The following JAK2 variants were observed in gnomAD, a reference collection of about 807,000 sequenced individuals.
JAK2 encodes the protein Janus kinase 2, also known as tyrosine-protein kinase JAK2.
A neutral mutation model predicts 139.3 loss-of-function variants in JAK2; 86 were observed. That is an observed-to-expected ratio of 0.62 (90% CI 0.52 to 0.74). The LOEUF (loss-of-function observed/expected upper bound fraction) is 0.74, where lower values mean the gene tolerates loss of function less well. Among genes scored for constraint, JAK2 ranks in the 30% least tolerant of loss-of-function variants. JAK2 has a pLI of 0.00. For synonymous variants in JAK2, 490 were observed against 437.7 expected (o/e 1.12, Z -1.49); for missense variants, 1,421 against 1,360.3 (o/e 1.04, Z -0.70).
intron 4 of JAK2, chr9:5,041,626 T>A: frequency 2.0e-6 from 1 of 500,614 alleles, no homozygotes; most frequent in Admixed American, 2.3e-5. Context: ...ATGCGGCGCC[T>A]GGACTTTGAG....
chr9:4,998,382 G>A (rs536125028), intron 2 of JAK2, among the ~76,000 whole-genome samples: 4 of 151,978 alleles, frequency 2.6e-5, no homozygotes, highest in African/African-American at 4.8e-5. Flanking sequence ...TCAGCCTCCC[G>A]AGTAACTGGG....
chr9:5,003,342 T>A (rs1821045082), intron 2 of JAK2, among the ~76,000 whole-genome samples: 1 of 152,038 alleles, frequency 6.6e-6, no homozygotes, highest in Non-Finnish European at 1.5e-5. Flanking sequence ...TTTTCTGTAT[T>A]CTTATATCAG....
intron 2 of JAK2, among the ~76,000 whole-genome samples, chr9:5,016,145 C>T (rs10815147): frequency 0.26 from 39,220 of 152,082 alleles, 5,260 homozygotes; most frequent in South Asian, 0.31. Context: ...TCCCGCCAAA[C>T]GCTGCCTACT....
At chr9:5,096,496 G>GT (rs773849138) in intron 22 of JAK2, among the ~76,000 whole-genome samples, 26 of 152,166 alleles carry the variant, frequency 1.7e-4, no homozygotes, top group Non-Finnish European at 3.4e-4. Context: ...CTCCCTCCAT[G>GT]TGGGGGGAGG....
Position 5,072,478 on chromosome 9 carries a change from T to G in JAK2, c.1642-14T>G. ...TCTTTACTCATTCTTTTCTTTTACC[T>G]TTTTCTCTTGAAGAATGAAAGCCTT... On this transcript the variant is annotated splice_polypyrimidine_tract_variant and intron_variant, in intron 12 of 24. Transcript: ENST00000381652. 1 of 1,517,090 alleles carries G rather than the reference T, an allele frequency of 6.6e-7. No individual in the cohort carries two copies. Among genetic ancestry groups the G allele is most frequent in the Non-Finnish European group, 8.9e-7 (1 of 1,127,296 alleles). The allele number at this position is 1,517,090 out of a possible 1,614,324, so 94.0% of individuals were successfully genotyped here. A position where few individuals can be genotyped will look rare whatever the true frequency, so the allele number is the denominator to read the frequency against.
At chr9:5,006,518 T>G (rs1456541976) in intron 2 of JAK2, among the ~76,000 whole-genome samples, 1 of 152,202 alleles carries the variant, frequency 6.6e-6, no homozygotes, top group Non-Finnish European at 1.5e-5. Context: ...AAAAGTTGTT[T>G]AATTGACTCA....
chr9:4,986,688 T>A (rs1333172350), intron 2 of JAK2, among the ~76,000 whole-genome samples: 1 of 152,056 alleles, frequency 6.6e-6, no homozygotes, highest in Non-Finnish European at 1.5e-5. Context: ...TGTTTTGGAT[T>A]TTTTTTAAAA....
chr9:5,061,254 G>A (rs1818152789), intron 8 of JAK2, among the ~76,000 whole-genome samples: 1 of 152,174 alleles, frequency 6.6e-6, no homozygotes, highest in Non-Finnish European at 1.5e-5. Context: ...TTAGCAAGAG[G>A]GTCAGCCTAT....
intron 19 of JAK2, among the ~76,000 whole-genome samples, chr9:5,088,542 C>CA (rs59331584): frequency 1.7e-4 from 25 of 149,914 alleles, no homozygotes; most frequent in East Asian, 7.8e-4. Context: ...AAGACATCTT[C>CA]AAAAAAAAAA....
Position 5,103,453 on chromosome 9 carries a change from C to T in JAK2, c.3059+12542C>T, listed in dbSNP as rs753098515. On this transcript the variant is annotated intron_variant, in intron 22 of 24. Coordinates refer to ENST00000381652, the MANE Select transcript of JAK2 (RefSeq NM_004972.4). ...TTAGAGACCTATAAAGAGACTTAGA[C>T]TCCCACACAATAATAATGGGAGACT... Among the ~76,000 whole-genome samples the T allele has an allele frequency of 2.0e-5, 3 of 151,940 alleles. No homozygotes were observed. In the South Asian group the frequency reaches 6.2e-4, roughly 32 times the overall value.
At chr9:5,049,195 A>G (rs1234131499) in intron 5 of JAK2, among the ~76,000 whole-genome samples, 1 of 152,130 alleles carries the variant, frequency 6.6e-6, no homozygotes, top group Middle Eastern at 3.2e-3. Flanking sequence ...CCGTAAATAC[A>G]CTTTATTTTC....
intron 22 of JAK2, chr9:5,112,102 G>A (rs1026673655): frequency 2.9e-6 from 1 of 350,030 alleles, no homozygotes; most frequent in Non-Finnish European, 5.7e-6. Flanking sequence ...CTACCTGAAC[G>A]AGGGCATCCA....
chr9:5,020,507 G>T (rs1822347158), intron 2 of JAK2, among the ~76,000 whole-genome samples: 1 of 152,166 alleles, frequency 6.6e-6, no homozygotes, highest in Admixed American at 6.5e-5. Context: ...GCTGTGCTGT[G>T]CCCTGATGCT....
At chr9:5,084,023 C>A (rs940201331) in intron 19 of JAK2, among the ~76,000 whole-genome samples, 2 of 152,030 alleles carry the variant, frequency 1.3e-5, no homozygotes, top group African/African-American at 4.8e-5. Flanking sequence ...TTACAACATT[C>A]CCCTTTATTG....
At chr9:4,990,462 G>T (rs1456375263) in intron 2 of JAK2, among the ~76,000 whole-genome samples, 1 of 152,154 alleles carries the variant, frequency 6.6e-6, no homozygotes, top group African/African-American at 2.4e-5. Flanking sequence ...GGATGGGCAA[G>T]TGAAAATTGA....
Position 5,054,706 on chromosome 9 carries a change from A to G in JAK2, c.758A>G (p.Lys253Arg), listed in dbSNP as rs200778413. 4 of 1,613,440 alleles carry G rather than the reference A, an allele frequency of 2.5e-6. No individual in the cohort carries two copies. The Admixed American group carries it at 5.0e-5, about 20-fold the overall frequency. Reference sequence around the variant, plus strand: ...GCCACTGCCAGAAACTTGAAACTTAAGTATCTTATAAATCTGGAAACTCTG... The same window carrying G: ...GCCACTGCCAGAAACTTGAAACTTAGGTATCTTATAAATCTGGAAACTCTG... ...CKATARNLKL[K>R]YLINLETLQS... The change falls in exon 7 of 25, where the codon AAG becomes AGG. Residue 253 changes from lysine (K) to arginine (R), a missense_variant. Physicochemically the swap from Lys to Arg is conservative, Grantham distance 26 (BLOSUM62 2). Transcript: ENST00000381652. This position sits in a 1 kb window ranked among gnomAD's most constrained non-coding sequence, Gnocchi z 4.9.
chr9:5,077,790 A>C (rs763042799), intron 15 of JAK2, among the ~76,000 whole-genome samples: 6 of 152,208 alleles, frequency 3.9e-5, no homozygotes, highest in Admixed American at 3.3e-4. Flanking sequence ...CATCCCATCA[A>C]TATCTTAGAA....
chr9:4,996,236 G>A (rs1258047332), intron 2 of JAK2, among the ~76,000 whole-genome samples: 2 of 152,098 alleles, frequency 1.3e-5, no homozygotes, highest in Admixed American at 6.6e-5. Context: ...ATCACCTGAG[G>A]TCAGGAGTTC....
chr9:5,014,372 A>G (rs59826750), intron 2 of JAK2, among the ~76,000 whole-genome samples: 13,509 of 152,104 alleles, frequency 0.089, 1,758 homozygotes, highest in African/African-American at 0.29. Context: ...TACAGCTTTT[A>G]TATACTCTTC....
Sources: allele counts gnomAD v4.1 joint callset (sites outside exome capture counted in the v4.1 genomes callset), GRCh38; gene constraint gnomAD v4.1.1; non-coding constraint Gnocchi (gnomAD v3.1); transcripts MANE v1.5; gene names NCBI Gene and HGNC (gene_info 2026-07-23, HGNC 2026-07-21).